TMC2: variants seen among roughly 807,000 people sequenced by gnomAD.
TMC2 encodes transmembrane channel like 2, also known as transmembrane channel-like protein 2.
TMC2 carries 102 observed loss-of-function variants against 105.9 expected under a neutral mutation model. That is an observed-to-expected ratio of 0.96 (90% CI 0.82 to 1.14). The LOEUF is 1.14. TMC2 is among the 50% of genes most tolerant of loss of function. The pLI is 0.00. For synonymous variants in TMC2, 402 were observed against 422.8 expected (o/e 0.95, Z 0.60); for missense variants, 1,093 against 1,134.3 (o/e 0.96, Z 0.52).
chr20:2,594,752 T>A (rs1384428573), intron 8 of TMC2, 73 bp from the exon 9 acceptor site: 21 of 1,484,742 alleles, frequency 1.4e-5, no homozygotes, highest in Non-Finnish European at 1.9e-5. Flanking sequence ...AAATCCCTGG[T>A]AGAGTAGACA....
intron 3 of TMC2, among the ~76,000 whole-genome samples, chr20:2,560,753 C>T (rs1471264430): frequency 1.3e-5 from 2 of 151,116 alleles, no homozygotes; most frequent in Non-Finnish European, 2.9e-5. Flanking sequence ...GGGAGAATGG[C>T]GTGAACCCAG....
At chr20:2,626,288 C>G (rs2086563753) in intron 17 of TMC2, among the ~76,000 whole-genome samples, 1 of 152,210 alleles carries the variant, frequency 6.6e-6, no homozygotes, top group Non-Finnish European at 1.5e-5. Flanking sequence ...CCTCTCTACT[C>G]AACATCATCT....
At chr20:2,596,612 G>A (rs975503588) in intron 9 of TMC2, among the ~76,000 whole-genome samples, 3 of 143,954 alleles carry the variant, frequency 2.1e-5, no homozygotes, top group Admixed American at 7.2e-5. Flanking sequence ...CAGCCTGGAC[G>A]ACAGAGCGAG....
At chr20:2,568,025 A>G (rs1262041643) in intron 4 of TMC2, among the ~76,000 whole-genome samples, 1 of 152,230 alleles carries the variant, frequency 6.6e-6, no homozygotes, top group Non-Finnish European at 1.5e-5. Context: ...ACATAACATT[A>G]GTATCGTTGG....
At chr20:2,633,787 T>C (rs1297556768) in intron 17 of TMC2, among the ~76,000 whole-genome samples, 1 of 152,010 alleles carries the variant, frequency 6.6e-6, no homozygotes, top group African/African-American at 2.4e-5. Flanking sequence ...TAAGGCAACT[T>C]AGATGCTGCA....
In TMC2 at chr20:2,616,223, C is replaced by T; in HGVS notation, c.1940+19C>T. 1 of 1,602,668 alleles carries T rather than the reference C, an allele frequency of 6.2e-7. No homozygotes were observed. The highest frequency in any genetic ancestry group is 1.3e-5 in the African/African-American group (1 of 74,752). On this transcript the variant is annotated intron_variant, in intron 15 of 19. Coordinates refer to ENST00000358864, the MANE Select transcript of TMC2 (RefSeq NM_080751.3). The surrounding 1 kb of genome is among the most constrained non-coding windows in gnomAD (Gnocchi z 4.8). The stretch of plus-strand genomic sequence containing the variant: ...TGATCTGGTGAGTTATCCATTTCAT[C>T]TGGTGATCGCCTCATCCAAGGAGTC...
At position 2,610,479 on chromosome 20, in the gene TMC2, G is replaced by T. The variant is rs2146236059; in HGVS notation, c.1474G>T (p.Ala492Ser). The T allele has an allele frequency of 4.3e-6, 7 of 1,613,646 alleles. No individual in the cohort carries two copies. The highest frequency in any genetic ancestry group is 3.3e-5 in the South Asian group (3 of 91,026). The change falls in exon 12 of 20, where the codon GCC (alanine) becomes TCC (serine). Residue 492 changes from alanine (A) to serine (S), a missense_variant. Physicochemically the swap from Ala to Ser is moderately conservative, Grantham distance 99. Transcript: ENST00000358864. ...FCPPLFETIAALENYHPRTGL... is the reference protein window; with the variant it reads ...FCPPLFETIASLENYHPRTGL... The stretch of plus-strand genomic sequence containing the variant: ...TCCCCCTCTGTTTGAAACCATCGCT[G>T]CCCTGGAGAATTACCACCCACGCAC...
rs751607324 is a variant in TMC2 at position 2,592,317 on chromosome 20, T to C, written c.842T>C (p.Met281Thr). Residue 281 changes from methionine (M) to threonine (T), a missense_variant, in exon 8 of 20, where the codon ATG becomes ACG. Transcript: ENST00000358864. The surrounding 1 kb of genome is among the most constrained non-coding windows in gnomAD (Gnocchi z 4.9). ...ATTGTGTTTCTGCACAAGGTACTGA[T>C]GGGCATGCCCTATGGGAGTATTCCC... ...FGLVIIPEVL[M>T]GMPYGSIPRK... The C allele has an allele frequency of 3.7e-6, 6 of 1,612,358 alleles. No individual in the cohort carries two copies. The South Asian group carries it at 6.6e-5, about 18-fold the overall frequency.
chr20:2,599,539 AT>A (rs11409325), intron 10 of TMC2, among the ~76,000 whole-genome samples: 10,765 of 85,454 alleles, frequency 0.13, 162 homozygotes, highest in Middle Eastern at 0.17. Context: ...CTTTAATTAC[AT>A]TTTTTTTTTT....
At chr20:2,580,189 G>T in intron 7 of TMC2, 133 bp downstream of exon 7, 1 of 500,276 alleles carries the variant, frequency 2.0e-6, no homozygotes, top group South Asian at 4.2e-5. Context: ...TGGTGCAAAA[G>T]TAATTGTTTT....
At position 2,558,298 on chromosome 20, in the gene TMC2, C is replaced by T. The variant is rs536233179; in HGVS notation, c.83-158C>T. The T allele has an allele frequency of 9.0e-6, 13 of 1,441,356 alleles. No individual in the cohort carries two copies. In the South Asian group the frequency reaches 1.6e-4, roughly 18 times the overall value. 89.3% of individuals were successfully genotyped at this position (1,441,356 alleles called of 1,614,324 possible). On this transcript the variant is annotated intron_variant, in intron 2 of 19. Coordinates refer to ENST00000358864, the MANE Select transcript of TMC2 (RefSeq NM_080751.3). This position sits in a 1 kb window ranked among gnomAD's most constrained non-coding sequence, Gnocchi z 4.6. ...GTTTCCTTCAGCTTAAAATACTCAACATGCCAAGGTGCCATACTTTGGGGT... is the reference window on the plus strand; with the variant it reads ...GTTTCCTTCAGCTTAAAATACTCAATATGCCAAGGTGCCATACTTTGGGGT...
At chr20:2,569,337 T>G (rs2086086863) in intron 4 of TMC2, among the ~76,000 whole-genome samples, 1 of 152,216 alleles carries the variant, frequency 6.6e-6, no homozygotes, top group South Asian at 2.1e-4. Context: ...TTTAACAGGG[T>G]GCTCATTCAC....
In TMC2 at chr20:2,596,015, T is replaced by C. The variant is rs912679138; in HGVS notation, c.1076+1048T>C. On this transcript the variant is annotated intron_variant, in intron 9 of 19. Coordinates refer to ENST00000358864, the MANE Select transcript of TMC2 (RefSeq NM_080751.3). ...TTATTCTTAGCCCTCATGTTGTTGCTTTTTCCCTGCTCTCACCCCAGATAA... is the reference window on the plus strand; with the variant it reads ...TTATTCTTAGCCCTCATGTTGTTGCCTTTTCCCTGCTCTCACCCCAGATAA... Among the ~76,000 whole-genome samples, 11 of 152,310 alleles carry C rather than the reference T, an allele frequency of 7.2e-5. No homozygotes were observed. In the East Asian group the frequency reaches 1.9e-3, roughly 27 times the overall value.
At chr20:2,609,257 A>C (rs143252675) in intron 11 of TMC2, among the ~76,000 whole-genome samples, 270 of 152,306 alleles carry the variant, frequency 1.8e-3, no homozygotes, top group African/African-American at 6.2e-3. Context: ...AGACACTCCC[A>C]GCAGTGGATT....
At position 2,610,592 on chromosome 20, in the gene TMC2, C is replaced by A. The variant is rs368961379; in HGVS notation, c.1587C>A (p.His529Gln). Reference sequence around the variant, plus strand: ...TCTTGGCCCTGATGGATGACGTCCACCTCAAGGTAAAAACCACAACACCCC... The same window carrying A: ...TCTTGGCCCTGATGGATGACGTCCAACTCAAGGTAAAAACCACAACACCCC... ...TFLLALMDDV[H>Q]LKLANEETIK... is the part of the protein sequence containing the mutation. The change falls in exon 12 of 20, where the codon CAC becomes CAA. Residue 529 changes from histidine to glutamine, a missense_variant. Transcript: ENST00000358864. 140 of 1,584,092 alleles carry A rather than the reference C, an allele frequency of 8.8e-5. No individual in the cohort carries two copies. Among genetic ancestry groups the A allele is most frequent in the Non-Finnish European group, 1.2e-4 (137 of 1,163,526 alleles).
At chr20:2,539,810 T>C (rs6083580) in intron 2 of TMC2, among the ~76,000 whole-genome samples, 81,551 of 151,882 alleles carry the variant, frequency 0.54, 21,942 homozygotes, top group South Asian at 0.58. Flanking sequence ...GGATAAATTA[T>C]GCAAAAATAG....
intron 2 of TMC2, among the ~76,000 whole-genome samples, chr20:2,545,771 A>G (rs2085919631): frequency 6.6e-6 from 1 of 151,444 alleles, no homozygotes; most frequent in Non-Finnish European, 1.5e-5. Context: ...GAGGAAGAAG[A>G]AGATGAAGAA....
At chr20:2,637,627 G>A (rs1470387882) in intron 19 of TMC2, 36 bp downstream of exon 19, 9 of 1,449,580 alleles carry the variant, frequency 6.2e-6, no homozygotes, top group Non-Finnish European at 8.7e-6. Context: ...GTTTTACAAG[G>A]CCACATGGAA....
At chr20:2,622,316 G>A (rs1010697748) in intron 16 of TMC2, among the ~76,000 whole-genome samples, 2 of 152,048 alleles carry the variant, frequency 1.3e-5, no homozygotes, top group East Asian at 1.9e-4. Flanking sequence ...TTCCTGTTTT[G>A]ACTTGCTTTC....
Sources: gnomAD v4.1 joint callset for allele counts (sites outside exome capture counted in the v4.1 genomes callset) on GRCh38, gnomAD v4.1.1 for gene constraint, Gnocchi (gnomAD v3.1) non-coding constraint, MANE v1.5 for transcripts, NCBI Gene and HGNC (gene_info 2026-07-23, HGNC 2026-07-21) for gene names.